Variants in PLAG1 observed in about 807,000 individuals in gnomAD.
PLAG1 encodes PLAG1 zinc finger.
PLAG1 carries 7 observed loss-of-function variants against 35.5 expected under a neutral mutation model. That is an observed-to-expected ratio of 0.20 (90% confidence interval 0.11 to 0.37). PLAG1 has a LOEUF of 0.37. Ranked by LOEUF, PLAG1 falls within the 10% of genes least tolerant of loss-of-function variation. The pLI is 1.00. For synonymous variants in PLAG1, 229 were observed against 225.4 expected (o/e 1.02, Z -0.14); for missense variants, 454 against 602.8 (o/e 0.75, Z 2.58).
At chr8:56,184,416 AG>A (rs983467811) in intron 1 of PLAG1, among the ~76,000 whole-genome samples, 2 of 152,192 alleles carry the variant, frequency 1.3e-5, no homozygotes, top group African/African-American at 4.8e-5. Flanking sequence ...TTTGAAAAAC[AG>A]TTTGGCAATT....
chr8:56,198,659 G>A (rs1240700991), intron 1 of PLAG1, among the ~76,000 whole-genome samples: 4 of 152,132 alleles, frequency 2.6e-5, no homozygotes, highest in Non-Finnish European at 4.4e-5. Context: ...TGTCTGGAGC[G>A]TCCCTTCAGG....
In PLAG1 at chr8:56,167,370, A is replaced by G; in HGVS notation, c.376T>C (p.Cys126Arg). 1 of 1,614,062 alleles carries G rather than the reference A, an allele frequency of 6.2e-7. No homozygotes were observed. Among genetic ancestry groups the G allele is most frequent in the Non-Finnish European group, 8.5e-7 (1 of 1,179,976 alleles). Residue 126 changes from cysteine (C) to arginine (R), a missense_variant, in exon 5 of 5, where the codon TGT becomes CGT. Physicochemically the swap from Cys to Arg is radical, Grantham distance 180 (BLOSUM62 -3). Transcript: ENST00000316981. The surrounding 1 kb of genome is among the most constrained non-coding windows in gnomAD (Gnocchi z 5.9). ...PNKETFKCEECGKNYNTKLGF... is the reference protein window; with the variant it reads ...PNKETFKCEERGKNYNTKLGF... The stretch of plus-strand genomic sequence containing the variant: ...AGCTTGGTATTGTAGTTCTTGCCAC[A>G]TTCTTCGCACTTAAACGTCTCTTTG...
chr8:56,201,209 G>A (rs1812538516), intron 1 of PLAG1, among the ~76,000 whole-genome samples: 1 of 152,158 alleles, frequency 6.6e-6, no homozygotes, highest in Non-Finnish European at 1.5e-5. Context: ...TAGCTTGGAA[G>A]CCTAACATCT....
At chr8:56,191,896 A>T (rs1351050404) in intron 1 of PLAG1, among the ~76,000 whole-genome samples, 2 of 152,086 alleles carry the variant, frequency 1.3e-5, no homozygotes, top group African/African-American at 4.8e-5. Flanking sequence ...CAAGCATTTC[A>T]TATTGAGGAA....
intron 1 of PLAG1, among the ~76,000 whole-genome samples, chr8:56,188,697 G>A (rs890609864): frequency 2.0e-5 from 3 of 152,170 alleles, no homozygotes; most frequent in Non-Finnish European, 2.9e-5. Context: ...TGCAACATTA[G>A]ACATGATTTT....
At chr8:56,195,030 T>G (rs2129232284) in intron 1 of PLAG1, among the ~76,000 whole-genome samples, 1 of 152,232 alleles carries the variant, frequency 6.6e-6, no homozygotes, top group Middle Eastern at 3.4e-3. Flanking sequence ...GGTGCATATC[T>G]GACAGACTCA....
intron 1 of PLAG1, among the ~76,000 whole-genome samples, chr8:56,203,063 G>A (rs1380721008): frequency 6.6e-6 from 1 of 151,842 alleles, no homozygotes; most frequent in African/African-American, 2.4e-5. Flanking sequence ...TTTCTTTGAA[G>A]AATAATGAAA....
chr8:56,191,882 A>C (rs1024786811), intron 1 of PLAG1, among the ~76,000 whole-genome samples: 1 of 152,002 alleles, frequency 6.6e-6, no homozygotes, highest in Non-Finnish European at 1.5e-5. Flanking sequence ...AAATCTACAC[A>C]TATCAAGCAT....
intron 1 of PLAG1, among the ~76,000 whole-genome samples, chr8:56,195,332 T>A (rs185784269): frequency 6.6e-6 from 1 of 152,182 alleles, no homozygotes; most frequent in African/African-American, 2.4e-5. Flanking sequence ...TAGGGAGCCA[T>A]TACCAGGATA....
chr8:56,171,621 G>A (rs1217949599), intron 2 of PLAG1, among the ~76,000 whole-genome samples: 4 of 152,158 alleles, frequency 2.6e-5, no homozygotes, highest in East Asian at 3.8e-4. Flanking sequence ...ACAGGCTCCC[G>A]GTGAAAGCAC....
Position 56,163,437 on chromosome 8 carries a change from T to C in PLAG1, c.*2806A>G, listed in dbSNP as rs1254793655. The stretch of plus-strand genomic sequence containing the variant: ...AATTCAAATAAGCGAGTCTGCCTCA[T>C]CTTTAATAGAAATTCTCTCAAAAAG... On this transcript the variant is annotated 3_prime_UTR_variant, in exon 5 of 5. Coordinates refer to ENST00000316981, the MANE Select transcript of PLAG1 (RefSeq NM_002655.3). 1 of 199,266 alleles carries C rather than the reference T, an allele frequency of 5.0e-6. No individual in the cohort carries two copies. Among genetic ancestry groups the C allele is most frequent in the Admixed American group, 6.0e-5 (1 of 16,574 alleles). The allele number at this position is 199,266 out of a possible 1,614,324, so 12.3% of individuals were successfully genotyped here.
intron 1 of PLAG1, among the ~76,000 whole-genome samples, chr8:56,195,242 T>C (rs771946906): frequency 6.6e-6 from 1 of 152,202 alleles, no homozygotes; most frequent in Non-Finnish European, 1.5e-5. Flanking sequence ...TCATGCATTA[T>C]CTCATTTAAT....
intron 1 of PLAG1, among the ~76,000 whole-genome samples, chr8:56,199,325 G>A (rs1290623971): frequency 6.6e-6 from 1 of 152,212 alleles, no homozygotes; most frequent in Non-Finnish European, 1.5e-5. Flanking sequence ...TGGAAATGAT[G>A]CCACCAGCTT....
rs189725212 is a variant in PLAG1, at chr8:56,198,669, G to C, written c.-322+12452C>G. Among the ~76,000 whole-genome samples, 21 of 152,230 alleles carry C rather than the reference G, an allele frequency of 1.4e-4. No individual in the cohort carries two copies. The East Asian group carries it at 3.9e-3, about 28-fold the overall frequency. On this transcript the variant is annotated intron_variant, in intron 1 of 4. Coordinates refer to ENST00000316981, the MANE Select transcript of PLAG1 (RefSeq NM_002655.3). Reference sequence around the variant, plus strand: ...GCCTCTGTCTGGAGCGTCCCTTCAGGTCACTCCTGGCCCACCCCTTCTCAT... The same window carrying C: ...GCCTCTGTCTGGAGCGTCCCTTCAGCTCACTCCTGGCCCACCCCTTCTCAT...
rs1812258434 is a variant in PLAG1 at position 56,193,703 on chromosome 8, T to C, written c.-321-14190A>G. On this transcript the variant is annotated intron_variant, in intron 1 of 4. Transcript: ENST00000316981. ...ATCTTTCATTAGGTAAACTTTTTTT[T>C]TTTTTTTTTTTTGAGACGGAGTCTC... 6.6e-5 allele frequency among the ~76,000 whole-genome samples: 10 copies of C among 150,564 alleles called. 1 individual carries two copies. The highest frequency in any genetic ancestry group is 5.9e-4 in the Admixed American group (9 of 15,172).
rs527606105 is a variant in PLAG1 at position 56,180,066 on chromosome 8, T to C, written c.-321-553A>G. Among the ~76,000 whole-genome samples the C allele has an allele frequency of 7.9e-5, 12 of 152,324 alleles. 1 individual carries two copies. The South Asian group carries it at 1.0e-3, about 13-fold the overall frequency. The stretch of plus-strand genomic sequence containing the variant: ...TTTATGATGCGATTATTGCTTGTTT[T>C]CAATTAAATTCCCAGGTCATGTCCA... On this transcript the variant is annotated intron_variant, in intron 1 of 4. Coordinates refer to ENST00000316981, the MANE Select transcript of PLAG1 (RefSeq NM_002655.3).
intron 1 of PLAG1, among the ~76,000 whole-genome samples, chr8:56,188,274 G>A (rs886412361): frequency 3.9e-5 from 6 of 152,174 alleles, no homozygotes; most frequent in Admixed American, 6.5e-5. Context: ...GGTATGCGGG[G>A]AAGATGCAGG....
intron 1 of PLAG1, among the ~76,000 whole-genome samples, chr8:56,200,628 C>T (rs1473883988): frequency 6.6e-6 from 1 of 152,190 alleles, no homozygotes; most frequent in Non-Finnish European, 1.5e-5. Flanking sequence ...TCTCAGCACA[C>T]CTTTCTAGCG....
intron 1 of PLAG1, among the ~76,000 whole-genome samples, chr8:56,198,758 G>A (rs148182348): frequency 6.6e-6 from 1 of 152,214 alleles, no homozygotes; most frequent in East Asian, 1.9e-4. Context: ...GTCTCTTAGG[G>A]TCCCTCTTCC....
Sources: gnomAD v4.1 joint callset for allele counts (sites outside exome capture counted in the v4.1 genomes callset) on GRCh38, gnomAD v4.1.1 for gene constraint, Gnocchi (gnomAD v3.1) non-coding constraint, MANE v1.5 for transcripts, NCBI Gene and HGNC (gene_info 2026-07-23, HGNC 2026-07-21) for gene names.